FGFR3: variants seen among roughly 807,000 people sequenced by gnomAD.
FGFR3 encodes fibroblast growth factor receptor 3.
A neutral mutation model predicts 82.9 loss-of-function variants in FGFR3; 25 were observed. That is an observed-to-expected ratio of 0.30 (90% CI 0.22 to 0.42). The LOEUF (loss-of-function observed/expected upper bound fraction) is 0.42, where lower values mean the gene tolerates loss of function less well. FGFR3 is among the 10% of genes least tolerant of loss of function. FGFR3 has a pLI of 1.00. For missense variants in FGFR3, 1,026 were observed against 1,161.0 expected, an observed-to-expected ratio of 0.88 and a Z score of 1.69; for synonymous variants, 620 against 516.0, an observed-to-expected ratio of 1.20 and a Z score of -2.73.
intron 4 of FGFR3, among the ~76,000 whole-genome samples, chr4:1,800,171 A>C (rs1721016110): frequency 6.6e-6 from 1 of 150,842 alleles, no homozygotes; most frequent in Admixed American, 6.6e-5. Context: ...CAGGGCACTC[A>C]GGTGGCTGCC....
intron 2 of FGFR3, among the ~76,000 whole-genome samples, chr4:1,795,315 G>C (rs1720358289): frequency 6.6e-6 from 1 of 152,016 alleles, no homozygotes; most frequent in Non-Finnish European, 1.5e-5. Flanking sequence ...CCTACGGCCC[G>C]GGAATGTCAG....
chr4:1,804,347 G>A lies in FGFR3; in HGVS notation c.1093G>A (p.Glu365Lys), dbSNP rs757980849. The change falls in exon 9 of 18, where the codon GAG becomes AAG. Residue 365 changes from glutamate (E) to lysine (K), a missense_variant. By Grantham distance (56) the Glu-to-Lys change is moderately conservative. This residue lies in a region of FGFR3 where 256 missense variants were observed against 217.6 expected (regional missense o/e 1.18). Transcript: ENST00000440486. ...VVLPAEEELVEADEAGSVYAG... is the reference protein window; with the variant it reads ...VVLPAEEELVKADEAGSVYAG... ...CTTTGCAGCCGAGGAGGAGCTGGTG[G>A]AGGCTGACGAGGCGGGCAGTGTGTA... The A allele has an allele frequency of 6.2e-7, 1 of 1,609,888 alleles. No individual in the cohort carries two copies. The highest frequency in any genetic ancestry group is 8.5e-7 in the Non-Finnish European group (1 of 1,178,364).
chr4:1,802,788 C>T (rs1417003413), intron 7 of FGFR3: 1 of 1,281,336 alleles, frequency 7.8e-7, no homozygotes, highest in Non-Finnish European at 1.0e-6. Context: ...CACGCCTCCT[C>T]CAGGCAGCCT....
At chr4:1,800,307 C>T (rs1317696242) in intron 4 of FGFR3, among the ~76,000 whole-genome samples, 1 of 151,944 alleles carries the variant, frequency 6.6e-6, no homozygotes, top group East Asian at 1.9e-4. Context: ...GGGGACGATG[C>T]CTGGCGTCCC....
Position 1,805,834 on chromosome 4 carries a change from A to G in FGFR3, c.1730A>G (p.Tyr577Cys), listed in dbSNP as rs1560440644. The G allele has an allele frequency of 6.2e-7, 1 of 1,612,176 alleles. No homozygotes were observed. Among genetic ancestry groups the G allele is most frequent in the Non-Finnish European group, 8.5e-7 (1 of 1,179,776 alleles). ...LRARRPPGLD[Y>C]SFDTCKPPEE... ...GCGCGGCGGCCCCCGGGCCTGGACTACTCCTTCGACACCTGCAAGCCGCCC... is the reference window on the plus strand; with the variant it reads ...GCGCGGCGGCCCCCGGGCCTGGACTGCTCCTTCGACACCTGCAAGCCGCCC... Residue 577 changes from tyrosine (Y) to cysteine (C), a missense_variant, in exon 13 of 18, where the codon TAC (tyrosine) becomes TGC (cysteine). Around this residue, in one of 9 missense-constraint regions of FGFR3, gnomAD observed 164 missense variants for 167.5 expected, o/e 0.98. Transcript: ENST00000440486.
At chr4:1,804,704 CTTCA>C (rs908701263) in intron 9 of FGFR3, 116 bp from the exon 10 acceptor site, 17 of 1,440,210 alleles carry the variant, frequency 1.2e-5, no homozygotes, top group Admixed American at 2.0e-5. Context: ...TTCTAAAAAT[CTTCA>C]TTCAATGCTG....
At chr4:1,801,109 T>A (rs1721116229) in intron 4 of FGFR3, among the ~76,000 whole-genome samples, 1 of 152,134 alleles carries the variant, frequency 6.6e-6, no homozygotes, top group Non-Finnish European at 1.5e-5. Flanking sequence ...CCCTGGACAA[T>A]GCCCTGTGCC....
rs1721800286 is a variant in FGFR3 at position 1,805,623 on chromosome 4, G to A, written c.1599G>A (p.Gly533=). 9 of 1,613,244 alleles carry A rather than the reference G, an allele frequency of 5.6e-6. No individual in the cohort carries two copies. The highest frequency in any genetic ancestry group is 4.0e-5 in the African/African-American group (3 of 74,920). The change falls in exon 12 of 18, where the codon GGG becomes GGA. Residue 533 remains glycine, a synonymous_variant. Coordinates refer to ENST00000440486, the MANE Select transcript of FGFR3 (RefSeq NM_000142.5). ...AGATGGAGATGATGAAGATGATCGG[G>A]AAACACAAAAACATCATCAACCTGC... ...VSEMEMMKMI[G]KHKNIINLLG... is the part of the protein sequence containing the mutation.
chr4:1,807,906 T>C lies in FGFR3; in HGVS notation c.*644T>C, dbSNP rs1722172905. ...GCTGTGTATATGGTATATATACATATATATATATAACATATATGGAAGAGG... is the reference window on the plus strand; with the variant it reads ...GCTGTGTATATGGTATATATACATACATATATATAACATATATGGAAGAGG... On this transcript the variant is annotated 3_prime_UTR_variant, in exon 18 of 18. Coordinates refer to ENST00000440486, the MANE Select transcript of FGFR3 (RefSeq NM_000142.5). 3 of 331,054 alleles carry C rather than the reference T, an allele frequency of 9.1e-6. No individual in the cohort carries two copies. The highest frequency in any genetic ancestry group is 4.2e-5 in the African/African-American group (2 of 47,340). 20.5% of individuals were successfully genotyped at this position (331,054 alleles called of 1,614,324 possible).
At chr4:1,803,109 C>G (rs1486284769) in intron 7 of FGFR3, 1 of 1,507,512 alleles carries the variant, frequency 6.6e-7, no homozygotes, top group Non-Finnish European at 8.9e-7. Flanking sequence ...GCTCCAGCTC[C>G]AAGGCCCTGG....
intron 4 of FGFR3, among the ~76,000 whole-genome samples, chr4:1,801,095 G>C (rs1290783497): frequency 6.6e-6 from 1 of 152,198 alleles, no homozygotes; most frequent in Non-Finnish European, 1.5e-5. Context: ...GGGCAGGTGG[G>C]CTCCCCTGGA....
In FGFR3 at chr4:1,808,266, C is replaced by G. The variant is rs993881336; in HGVS notation, c.*1004C>G. On this transcript the variant is annotated 3_prime_UTR_variant, in exon 18 of 18. Coordinates refer to ENST00000440486, the MANE Select transcript of FGFR3 (RefSeq NM_000142.5). Reference sequence around the variant, plus strand: ...CGGCCAAGAATGTACGTCCAGCCTGCCCCGGAGCTGGAGGATCCCCTCCAA... The same window carrying G: ...CGGCCAAGAATGTACGTCCAGCCTGGCCCGGAGCTGGAGGATCCCCTCCAA... 4 of 232,532 alleles carry G rather than the reference C, an allele frequency of 1.7e-5. 1 individual carries two copies. The allele number at this position is 232,532 out of a possible 1,614,324, so 14.4% of individuals were successfully genotyped here.
In FGFR3 at chr4:1,807,865, AT is replaced by A. The variant is rs1216302061; in HGVS notation, c.*606del. On this transcript the variant is annotated 3_prime_UTR_variant, in exon 18 of 18. Coordinates refer to ENST00000440486, the MANE Select transcript of FGFR3 (RefSeq NM_000142.5). ...AGGTTTATTCCGGAAACTAGTGTACATTTCTATAAATAGATGCTGTGTATAT... is the reference window on the plus strand; with the variant it reads ...AGGTTTATTCCGGAAACTAGTGTACATTCTATAAATAGATGCTGTGTATAT... 2.4e-6 allele frequency: 1 copy of A among 425,144 alleles called. No individual in the cohort carries two copies. The highest frequency in any genetic ancestry group is 4.5e-6 in the Non-Finnish European group (1 of 224,254). The allele number at this position is 425,144 out of a possible 1,614,324, so 26.3% of individuals were successfully genotyped here.
At position 1,797,528 on chromosome 4, in the gene FGFR3, C is replaced by T. The variant is rs547951792; in HGVS notation, c.110-1726C>T. ...GCAAATACTTGTGTGGATGGCTTGA[C>T]CTGTTGTCGCCACTCAGACCAAACC... On this transcript the variant is annotated intron_variant, in intron 2 of 17. Coordinates refer to ENST00000440486, the MANE Select transcript of FGFR3 (RefSeq NM_000142.5). 6.1e-4 allele frequency among the ~76,000 whole-genome samples: 93 copies of T among 152,348 alleles called. No homozygotes were observed. In the South Asian group the frequency reaches 0.018, roughly 30 times the overall value.
At chr4:1,806,987 T>C in intron 17 of FGFR3, 53 bp downstream of exon 17, 1 of 1,558,734 alleles carries the variant, frequency 6.4e-7, no homozygotes, top group Admixed American at 1.9e-5. Flanking sequence ...CCCCCTGCCG[T>C]CCCCGGCCAT....
rs2108814313 is a variant in FGFR3, at chr4:1,806,858, C to T, written c.2198C>T (p.Ala733Val). The T allele has an allele frequency of 1.2e-6, 2 of 1,610,746 alleles. No homozygotes were observed. Among genetic ancestry groups the T allele is most frequent in the Non-Finnish European group, 1.7e-6 (2 of 1,179,216 alleles). Residue 733 changes from alanine to valine, a missense_variant, in exon 17 of 18, where the codon GCC (alanine) becomes GTC (valine). This residue lies in a region of FGFR3 where 155 missense variants were observed against 150.2 expected (regional missense o/e 1.03). Transcript: ENST00000440486. ...ATGATCATGCGGGAGTGCTGGCATGCCGCGCCCTCCCAGAGGCCCACCTTC... is the reference window on the plus strand; with the variant it reads ...ATGATCATGCGGGAGTGCTGGCATGTCGCGCCCTCCCAGAGGCCCACCTTC... The part of the protein sequence containing the change: ...LYMIMRECWH[A>V]APSQRPTFKQ...
chr4:1,806,609 C>T lies in FGFR3; in HGVS notation c.2094C>T (p.Ile698=), dbSNP rs1721952149. The T allele has an allele frequency of 6.2e-7, 1 of 1,613,202 alleles. No homozygotes were observed. Residue 698 remains isoleucine, a synonymous_variant, in exon 16 of 18, where the codon ATC becomes ATT. Transcript: ENST00000440486. ...TGGGGGGCTCCCCGTACCCCGGCATCCCTGTGGAGGAGCTCTTCAAGCTGC... is the reference window on the plus strand; with the variant it reads ...TGGGGGGCTCCCCGTACCCCGGCATTCCTGTGGAGGAGCTCTTCAAGCTGC... ...FTLGGSPYPG[I]PVEELFKLLK...
rs945110517 is a variant in FGFR3 at position 1,805,348 on chromosome 4, C to T, written c.1413-7C>T. ...CACACTCATGGTCCCTCTGCCTCCACTGCCAGGCTGACCCTGGGCAAGCCC... is the reference window on the plus strand; with the variant it reads ...CACACTCATGGTCCCTCTGCCTCCATTGCCAGGCTGACCCTGGGCAAGCCC... On this transcript the variant is annotated splice_polypyrimidine_tract_variant and splice_region_variant and intron_variant, in intron 10 of 17. Transcript: ENST00000440486. The T allele has an allele frequency of 1.2e-6, 2 of 1,611,116 alleles. No homozygotes were observed. The highest frequency in any genetic ancestry group is 1.7e-6 in the Non-Finnish European group (2 of 1,179,894).
Position 1,804,858 on chromosome 4 carries a change from A to G in FGFR3, c.1301A>G (p.Asn434Ser), listed in dbSNP as rs1721679588. The G allele has an allele frequency of 2.6e-6, 4 of 1,549,892 alleles. No individual in the cohort carries two copies. In the South Asian group the frequency reaches 3.6e-5, roughly 14 times the overall value. ...SLESNASMSSNTPLVRIARLS... is the reference protein window; with the variant it reads ...SLESNASMSSSTPLVRIARLS... ...GAGTCCAACGCGTCCATGAGCTCCA[A>G]CACACCACTGGTGCGCATCGCAAGG... Residue 434 changes from asparagine to serine, a missense_variant, in exon 10 of 18, where the codon AAC becomes AGC. Physicochemically the swap from Asn to Ser is conservative, Grantham distance 46. This residue lies in a region of FGFR3 where 256 missense variants were observed against 217.6 expected (regional missense o/e 1.18). Transcript: ENST00000440486.
Sources: allele counts gnomAD v4.1 joint callset (sites outside exome capture counted in the v4.1 genomes callset), GRCh38; gene constraint gnomAD v4.1.1; regional missense constraint gnomAD v4.1.1; transcripts MANE v1.5; gene names NCBI Gene and HGNC (gene_info 2026-07-23, HGNC 2026-07-21).